The following THADA variants were observed in gnomAD, a reference collection of about 807,000 sequenced individuals.
THADA encodes THADA armadillo repeat containing, also known as tRNA (32-2'-O)-methyltransferase regulator THADA.
THADA carries 213 observed loss-of-function variants against 219.8 expected under a neutral mutation model. The observed-to-expected ratio is 0.97, with a 90% CI of 0.87 to 1.09. THADA has a LOEUF of 1.09. Among genes scored for constraint, THADA ranks in the 50% least tolerant of loss-of-function variants. The pLI, the probability that THADA is intolerant of heterozygous loss-of-function variation, is 0.00. For missense variants in THADA, 2,956 were observed against 2,311.3 expected, an observed-to-expected ratio of 1.28 and a Z score of -5.72; for synonymous variants, 1,018 against 828.9, an observed-to-expected ratio of 1.23 and a Z score of -3.92.
chr2:43,568,979 A>G (rs1476932393), intron 14 of THADA, among the ~76,000 whole-genome samples: 1 of 152,190 alleles, frequency 6.6e-6, no homozygotes, highest in East Asian at 1.9e-4. Context: ...TTATTTATTA[A>G]TTTTTTTGAA....
At position 43,574,523 on chromosome 2, in the gene THADA, A is replaced by T. The variant is rs756558560; in HGVS notation, c.1542T>A (p.Ala514=). 1.8e-5 allele frequency: 29 copies of T among 1,613,942 alleles called. No homozygotes were observed. Among genetic ancestry groups the T allele is most frequent in the Non-Finnish European group, 2.5e-5 (29 of 1,179,816 alleles). The change falls in exon 11 of 38, where the codon GCT becomes GCA. Residue 514 remains alanine, a synonymous_variant. Coordinates refer to ENST00000405975, the MANE Select transcript of THADA (RefSeq NM_022065.5). ...NHKSHLKSQT[A]ESSWIDQWHE... is the part of the protein sequence containing the mutation. ...GCCACTGGTCAATCCAAGAACTCTC[A>T]GCAGTCTGGGATTTCAAATGACTCT...
intron 28 of THADA, among the ~76,000 whole-genome samples, chr2:43,423,170 C>T (rs186983651): frequency 1.3e-5 from 1 of 74,694 alleles, no homozygotes; most frequent in South Asian, 4.8e-4. Flanking sequence ...GTTTGTCAGT[C>T]CTATGCTTGA....
At chr2:43,258,572 A>T (rs1180137219) in intron 36 of THADA, among the ~76,000 whole-genome samples, 1 of 152,214 alleles carries the variant, frequency 6.6e-6, no homozygotes, top group Non-Finnish European at 1.5e-5. Flanking sequence ...TTTGTTATTT[A>T]TCTGAAATTC....
intron 26 of THADA, among the ~76,000 whole-genome samples, chr2:43,475,602 G>A (rs191317611): frequency 9.9e-5 from 15 of 152,268 alleles, no homozygotes; most frequent in Admixed American, 2.6e-4. Context: ...GAACCAGGGA[G>A]ACATTTCATA....
chr2:43,430,411 T>C (rs2104820929), intron 26 of THADA, 109 bp from the exon 27 acceptor site: 2 of 594,770 alleles, frequency 3.4e-6, no homozygotes, highest in Admixed American at 3.2e-5. Context: ...GATATTTAAT[T>C]AAATACAGTT....
rs187884407 is a variant in THADA at position 43,514,866 on chromosome 2, T to C, written c.3375-6086A>G. On this transcript the variant is annotated intron_variant, in intron 22 of 37. Transcript: ENST00000405975. Reference sequence around the variant, plus strand: ...TATATAATAATATGTACAATATATATTTTATGTATAATATGTATAATATAT... The same window carrying C: ...TATATAATAATATGTACAATATATACTTTATGTATAATATGTATAATATAT... Among the ~76,000 whole-genome samples the C allele has an allele frequency of 3.6e-5, 3 of 84,182 alleles. No individual in the cohort carries two copies. The East Asian group carries it at 1.1e-3, about 30-fold the overall frequency. The allele number at this position is 84,182 out of a possible 152,430, so 55.2% of individuals were successfully genotyped here. A position where few individuals can be genotyped will look rare whatever the true frequency, so the allele number is the denominator to read the frequency against.
At chr2:43,546,467 G>T (rs1432003841) in intron 20 of THADA, among the ~76,000 whole-genome samples, 1 of 152,120 alleles carries the variant, frequency 6.6e-6, no homozygotes, top group African/African-American at 2.4e-5. Context: ...GTTGACGGTG[G>T]GGTGTTAAAG....
At chr2:43,539,588 T>G (rs2103804310) in intron 21 of THADA, among the ~76,000 whole-genome samples, 1 of 152,320 alleles carries the variant, frequency 6.6e-6, no homozygotes, top group East Asian at 1.9e-4. Flanking sequence ...AACACTGCTA[T>G]TACATATACA....
chr2:43,338,310 C>T (rs776520933), intron 30 of THADA, among the ~76,000 whole-genome samples: 8 of 152,022 alleles, frequency 5.3e-5, no homozygotes, highest in Non-Finnish European at 1.2e-4. Context: ...GTGTGCGCAA[C>T]CACACCTGGC....
intron 22 of THADA, among the ~76,000 whole-genome samples, chr2:43,515,352 TATATATAATATATA>T (rs70965303): frequency 1.4e-4 from 8 of 58,786 alleles, no homozygotes; most frequent in African/African-American, 3.8e-4. Flanking sequence ...TATAATATTT[TATATATAATATATA>T]ATATATAATA....
chr2:43,489,062 T>C (rs900344311), intron 25 of THADA, among the ~76,000 whole-genome samples: 1 of 152,234 alleles, frequency 6.6e-6, no homozygotes, highest in Non-Finnish European at 1.5e-5. Context: ...TCCACTCTTA[T>C]CAGATGTATA....
chr2:43,530,454 T>C (rs1050654283), intron 21 of THADA, among the ~76,000 whole-genome samples: 6 of 152,144 alleles, frequency 3.9e-5, no homozygotes, highest in Non-Finnish European at 8.8e-5. Context: ...ATAATACTAA[T>C]ACAAAATAAG....
intron 31 of THADA, among the ~76,000 whole-genome samples, chr2:43,309,430 G>A (rs1039895319): frequency 2.0e-5 from 3 of 152,080 alleles, no homozygotes; most frequent in African/African-American, 4.8e-5. Flanking sequence ...AAGTGGAAAC[G>A]ACCCTAATGA....
At chr2:43,507,387 C>T (rs1689811671) in intron 23 of THADA, among the ~76,000 whole-genome samples, 1 of 152,132 alleles carries the variant, frequency 6.6e-6, no homozygotes, top group Non-Finnish European at 1.5e-5. Flanking sequence ...TGCAGTGAGA[C>T]CTTGATCCTG....
At chr2:43,427,503 T>TAGTG (rs1678605130) in intron 28 of THADA, among the ~76,000 whole-genome samples, 1 of 140,600 alleles carries the variant, frequency 7.1e-6, no homozygotes, top group African/African-American at 2.7e-5. Context: ...CTCCCAAAGT[T>TAGTG]TGTGTGTGTG....
At chr2:43,329,723 C>T (rs1490635293) in intron 30 of THADA, among the ~76,000 whole-genome samples, 3 of 152,138 alleles carry the variant, frequency 2.0e-5, no homozygotes, top group African/African-American at 7.2e-5. Flanking sequence ...GTGTCCCAAA[C>T]ACAATCAGGT....
At chr2:43,341,977 G>A (rs539435380) in intron 30 of THADA, among the ~76,000 whole-genome samples, 11 of 152,310 alleles carry the variant, frequency 7.2e-5, no homozygotes, top group South Asian at 6.2e-4. Flanking sequence ...TTGGGAGGCC[G>A]ACGCAGGTGG....
chr2:43,534,127 T>C (rs1389684008), intron 21 of THADA, among the ~76,000 whole-genome samples: 1 of 152,202 alleles, frequency 6.6e-6, no homozygotes, highest in Non-Finnish European at 1.5e-5. Flanking sequence ...AAAATGCACC[T>C]TGAAATAATA....
At chr2:43,483,983 G>A (rs1686564935) in intron 26 of THADA, among the ~76,000 whole-genome samples, 1 of 151,840 alleles carries the variant, frequency 6.6e-6, no homozygotes, top group Admixed American at 6.6e-5. Flanking sequence ...ACAAATATTA[G>A]TGATTTCAAG....
Sources: allele counts gnomAD v4.1 joint callset (sites outside exome capture counted in the v4.1 genomes callset), GRCh38; gene constraint gnomAD v4.1.1; transcripts MANE v1.5; gene names NCBI Gene and HGNC (gene_info 2026-07-23, HGNC 2026-07-21).